Variants in PTPRB observed in about 807,000 individuals in gnomAD.
PTPRB encodes protein tyrosine phosphatase receptor type B.
Under a neutral mutation model 238.1 loss-of-function variants are expected in PTPRB, and 97 were observed. That is an observed-to-expected ratio of 0.41 (90% CI 0.35 to 0.48). PTPRB has a LOEUF of 0.48. Among genes scored for constraint, PTPRB ranks in the 20% least tolerant of loss-of-function variants. PTPRB has a pLI of 0.30. For missense variants in PTPRB, 2,292 were observed against 2,681.9 expected (o/e 0.85, Z 3.21); for synonymous variants, 970 against 995.4 (o/e 0.97, Z 0.48).
chr12:70,576,525 C>A lies in PTPRB; in HGVS notation c.2699G>T (p.Gly900Val). 6.4e-7 allele frequency: 1 copy of A among 1,565,712 alleles called. No individual in the cohort carries two copies. Among genetic ancestry groups the A allele is most frequent in the Non-Finnish European group, 8.7e-7 (1 of 1,153,658 alleles). Residue 900 changes from glycine (G) to valine (V), a missense_variant, in exon 11 of 34, where the codon GGC (glycine) becomes GTC (valine). Gly to Val is a moderately radical substitution (Grantham distance 109). Transcript: ENST00000334414. Reference protein sequence around the residue: ...DNYEVTLSHDGKVVQSLVIAK... With the variant: ...DNYEVTLSHDVKVVQSLVIAK... ...AATGACAAGGGACTGAACCACCTTG[C>A]CGTCATGAGACAATGTTACCTCATA...
At chr12:70,525,828 G>C (rs975957329) in intron 32 of PTPRB, among the ~76,000 whole-genome samples, 7 of 152,250 alleles carry the variant, frequency 4.6e-5, no homozygotes, top group African/African-American at 1.4e-4. Context: ...AGGCCAGGCT[G>C]AGCCATCAGG....
At chr12:70,595,896 C>A (rs1003712074) in intron 5 of PTPRB, among the ~76,000 whole-genome samples, 153 bp downstream of exon 5, 1 of 152,148 alleles carries the variant, frequency 6.6e-6, no homozygotes, top group Admixed American at 6.5e-5. Flanking sequence ...TCCAGTCTGT[C>A]CACTGTATCC....
In PTPRB at chr12:70,570,004, G is replaced by A. The variant is rs372603983; in HGVS notation, c.3371-66C>T. The stretch of plus-strand genomic sequence containing the variant: ...TGAACTGTTGAAATTTTCAAACAAA[G>A]TTTTGAATGCTTCTGATGTTTTGGC... On this transcript the variant is annotated intron_variant, in intron 13 of 33. Coordinates refer to ENST00000334414, the MANE Select transcript of PTPRB (RefSeq NM_001109754.4). 29 of 1,424,676 alleles carry A rather than the reference G, an allele frequency of 2.0e-5. No individual in the cohort carries two copies. In the South Asian group the frequency reaches 2.1e-4, roughly 10 times the overall value. 88.3% of individuals were successfully genotyped at this position (1,424,676 alleles called of 1,614,324 possible).
Position 70,571,213 on chromosome 12 carries a change from A to G in PTPRB, c.3183T>C (p.Asn1061=), listed in dbSNP as rs1414515778. ...GGATCTCATATTGGTCGACATCCCC[A>G]TTAGCTCCTGACCAAGTCACATGCA... is the stretch of plus-strand genomic sequence containing the variant. ...EDLHVTWSGA[N]GDVDQYEIQL... Residue 1061 remains asparagine (N), a synonymous_variant, in exon 13 of 34, where the codon AAT becomes AAC. Coordinates refer to ENST00000334414, the MANE Select transcript of PTPRB (RefSeq NM_001109754.4). 4 of 1,613,802 alleles carry G rather than the reference A, an allele frequency of 2.5e-6. No individual in the cohort carries two copies. The highest frequency in any genetic ancestry group is 3.4e-6 in the Non-Finnish European group (4 of 1,179,718).
rs977245284 is a variant in PTPRB, at chr12:70,538,204, T to C, written c.5897A>G (p.Asn1966Ser). 5 of 1,613,610 alleles carry C rather than the reference T, an allele frequency of 3.1e-6. No individual in the cohort carries two copies. In the African/African-American group the frequency reaches 5.3e-5, roughly 17 times the overall value. The change falls in exon 28 of 34, where the codon AAT becomes AGT. Residue 1966 changes from asparagine to serine, a missense_variant. By Grantham distance (46) the Asn-to-Ser change is conservative. Coordinates refer to ENST00000334414, the MANE Select transcript of PTPRB (RefSeq NM_001109754.4). ...GTCAGAGCAAGGATCATCATCTACA[T>C]TGGAGAGCTTCACTCGCGTGGCATC... ...PYDATRVKLSNVDDDPCSDYI... is the reference protein window; with the variant it reads ...PYDATRVKLSSVDDDPCSDYI...
rs1298559814 is a variant in PTPRB, at chr12:70,592,453, A to G, written c.1609T>C (p.Ser537Pro). The change falls in exon 7 of 34, where the codon TCT becomes CCT. Residue 537 changes from serine (S) to proline (P), a missense_variant. By Grantham distance (74) the Ser-to-Pro change is moderately conservative. Coordinates refer to ENST00000334414, the MANE Select transcript of PTPRB (RefSeq NM_001109754.4). ...TTGTGAGACAGGGTGATATTGTAAG[A>G]ATCCACATTTCCAGGAGGTCTTTGC... Reference protein sequence around the residue: ...KWQRPPGNVDSYNITLSHKGT... With the variant: ...KWQRPPGNVDPYNITLSHKGT... The G allele has an allele frequency of 6.2e-7, 1 of 1,613,912 alleles. No homozygotes were observed. The highest frequency in any genetic ancestry group is 8.5e-7 in the Non-Finnish European group (1 of 1,179,836).
intron 18 of PTPRB, 118 bp downstream of exon 18, chr12:70,559,225 A>C: frequency 8.8e-7 from 1 of 1,136,608 alleles, no homozygotes; most frequent in Non-Finnish European, 1.3e-6. Context: ...CCTGAATTCA[A>C]ATCCAGACCA....
At chr12:70,589,449 G>A (rs1304349643) in intron 8 of PTPRB, among the ~76,000 whole-genome samples, 1 of 152,196 alleles carries the variant, frequency 6.6e-6, no homozygotes, top group African/African-American at 2.4e-5. Context: ...TGAAACATGA[G>A]TCTTGGTATT....
At position 70,521,238 on chromosome 12, in the gene PTPRB, A is replaced by T. The variant is rs970169551; in HGVS notation, c.*251T>A. ...AGTCATGAACACTTTAGTGTGGAAA[A>T]ATAGTATTATATAAAGCTTAATATT... is the stretch of plus-strand genomic sequence containing the variant. On this transcript the variant is annotated 3_prime_UTR_variant, in exon 34 of 34. Transcript: ENST00000334414. The T allele has an allele frequency of 7.9e-5, 28 of 352,202 alleles. No individual in the cohort carries two copies. The highest frequency in any genetic ancestry group is 1.3e-4 in the Non-Finnish European group (25 of 197,754). 21.8% of individuals were successfully genotyped at this position (352,202 alleles called of 1,614,324 possible).
intron 3 of PTPRB, among the ~76,000 whole-genome samples, chr12:70,615,010 A>T (rs1490696090): frequency 1.3e-5 from 2 of 152,276 alleles, no homozygotes; most frequent in Admixed American, 6.5e-5. Flanking sequence ...GAAATAATAG[A>T]AGCATTAGGA....
rs1414568983 is a variant in PTPRB at position 70,571,265 on chromosome 12, G to A, written c.3131C>T (p.Thr1044Ile). 1.2e-6 allele frequency: 2 copies of A among 1,606,252 alleles called. No homozygotes were observed. The highest frequency in any genetic ancestry group is 1.7e-4 in the Middle Eastern group (1 of 6,044). Residue 1044 changes from threonine (T) to isoleucine (I), a missense_variant, in exon 13 of 34, where the codon ACA becomes ATA. Transcript: ENST00000334414. ...RTIPEPVKDL[T>I]LRNRSTEDLH... is the part of the protein sequence containing the mutation. ...GTCCTCAGTGCTCCTGTTGCGCAAT[G>A]TTAGATCCTTAACAGGCTCTGGAAC...
At chr12:70,632,905 C>T (rs898503523) in intron 2 of PTPRB, among the ~76,000 whole-genome samples, 3 of 152,156 alleles carry the variant, frequency 2.0e-5, no homozygotes, top group African/African-American at 7.2e-5. Flanking sequence ...TGGAGGGCAC[C>T]TTAGTACTAG....
chr12:70,596,544 A>G (rs1269161614), intron 4 of PTPRB, among the ~76,000 whole-genome samples: 1 of 151,196 alleles, frequency 6.6e-6, no homozygotes, highest in Non-Finnish European at 1.5e-5. Flanking sequence ...CCATTTAGCT[A>G]CTAGTCATAT....
intron 7 of PTPRB, 50 bp downstream of exon 7, chr12:70,592,232 T>A: frequency 6.2e-7 from 1 of 1,612,484 alleles, no homozygotes; most frequent in African/African-American, 1.3e-5. Context: ...TTAAGGTGGA[T>A]CAGAGAGTGA....
At chr12:70,586,801 C>A (rs1881961650) in intron 9 of PTPRB, among the ~76,000 whole-genome samples, 1 of 152,086 alleles carries the variant, frequency 6.6e-6, no homozygotes, top group South Asian at 2.1e-4. Flanking sequence ...TCAAGTTTAG[C>A]AAACTAAATC....
Position 70,569,906 on chromosome 12 carries a change from G to T in PTPRB, c.3403C>A (p.Pro1135Thr). Residue 1135 changes from proline to threonine, a missense_variant, in exon 14 of 34, where the codon CCC (proline) becomes ACC (threonine). Coordinates refer to ENST00000334414, the MANE Select transcript of PTPRB (RefSeq NM_001109754.4). ...GTCAGGCTATCTGTTGCTCCATTGG[G>T]AGAAATGTGAATATTTTTGACAGCA... ...PSAVKNIHIS[P>T]NGATDSLTVN... 6.2e-7 allele frequency: 1 copy of T among 1,611,758 alleles called. No individual in the cohort carries two copies.
intron 8 of PTPRB, 112 bp from the exon 9 acceptor site, chr12:70,587,379 T>C: frequency 8.0e-7 from 1 of 1,252,354 alleles, no homozygotes; most frequent in Non-Finnish European, 1.1e-6. Flanking sequence ...TCAACATTTA[T>C]TTTATGAATG....
At chr12:70,540,788 G>A (rs923284225) in intron 23 of PTPRB, 70 bp downstream of exon 23, 8 of 1,125,088 alleles carry the variant, frequency 7.1e-6, no homozygotes, top group Admixed American at 2.2e-5. Context: ...TTAGTTTTCA[G>A]CCTAAAGGGA....
intron 4 of PTPRB, among the ~76,000 whole-genome samples, chr12:70,605,961 T>C (rs1883909850): frequency 6.6e-6 from 1 of 152,222 alleles, no homozygotes; most frequent in African/African-American, 2.4e-5. Context: ...GTTCATTGTC[T>C]GATTTCTGGT....
Sources: allele counts gnomAD v4.1 joint callset (sites outside exome capture counted in the v4.1 genomes callset), GRCh38; gene constraint gnomAD v4.1.1; transcripts MANE v1.5; gene names NCBI Gene and HGNC (gene_info 2026-07-23, HGNC 2026-07-21).